The following PIK3CG variants were observed in gnomAD, a reference collection of about 807,000 sequenced individuals.
PIK3CG encodes the protein phosphatidylinositol 4,5-bisphosphate 3-kinase catalytic subunit gamma isoform.
A neutral mutation model predicts 102.3 loss-of-function variants in PIK3CG; 55 were observed. The observed-to-expected ratio is 0.54, with a 90% confidence interval of 0.43 to 0.67. The LOEUF is 0.67. Ranked by LOEUF, PIK3CG falls within the 30% of genes least tolerant of loss-of-function variation. PIK3CG has a pLI of 0.00. For synonymous variants in PIK3CG, 552 were observed against 540.0 expected (o/e 1.02, Z -0.31); for missense variants, 1,258 against 1,391.8 (o/e 0.90, Z 1.53).
rs1790477170 is a variant in PIK3CG at position 106,869,980 on chromosome 7, G to A, written c.1995+424G>A. Among the ~76,000 whole-genome samples, 6 of 152,134 alleles carry A rather than the reference G, an allele frequency of 3.9e-5. No individual in the cohort carries two copies. Among genetic ancestry groups the A allele is most frequent in the Admixed American group, 2.0e-4 (3 of 15,274 alleles). On this transcript the variant is annotated intron_variant, in intron 2 of 10. Coordinates refer to ENST00000496166, the MANE Select transcript of PIK3CG (RefSeq NM_001282426.2). The surrounding 1 kb of genome is among the most constrained non-coding windows in gnomAD (Gnocchi z 5.3). ...GCACTTTTTACATGAGGAAACTGAG[G>A]TACAAAGAGGCTAAGTAATGTGCCC...
At position 106,866,844 on chromosome 7, in the gene PIK3CG, T is replaced by C. The variant is rs577179146; in HGVS notation, c.-12-706T>C. ...AAATGAAATGACTTGCTTTCCTAAT[T>C]AGAAAGAAAAAATGAAACCAAGAGG... On this transcript the variant is annotated intron_variant, in intron 1 of 10. Coordinates refer to ENST00000496166, the MANE Select transcript of PIK3CG (RefSeq NM_001282426.2). Among the ~76,000 whole-genome samples, 9 of 152,232 alleles carry C rather than the reference T, an allele frequency of 5.9e-5. No homozygotes were observed. In the South Asian group the frequency reaches 1.9e-3, roughly 32 times the overall value.
In PIK3CG at chr7:106,872,513, A is replaced by G. The variant is rs1790568076; in HGVS notation, c.1996-24A>G. 6.3e-7 allele frequency: 1 copy of G among 1,596,642 alleles called. No individual in the cohort carries two copies. Among genetic ancestry groups the G allele is most frequent in the African/African-American group, 1.3e-5 (1 of 74,714 alleles). ...CAACGACATAGAGTACAGTCCTACA[A>G]ATGCCAATGTGTTCTTCCTTTAGGC... On this transcript the variant is annotated intron_variant, in intron 2 of 10. Coordinates refer to ENST00000496166, the MANE Select transcript of PIK3CG (RefSeq NM_001282426.2). The surrounding 1 kb of genome is among the most constrained non-coding windows in gnomAD (Gnocchi z 5.3).
chr7:106,899,284 G>A lies in PIK3CG; in HGVS notation c.3031-5825G>A, dbSNP rs778991970. On this transcript the variant is annotated intron_variant, in intron 10 of 10. Coordinates refer to ENST00000496166, the MANE Select transcript of PIK3CG (RefSeq NM_001282426.2). This position sits in a 1 kb window ranked among gnomAD's most constrained non-coding sequence, Gnocchi z 4.6. ...TAGGCAGAGACTATGGGGTTTTCTA[G>A]ATATAAAATCATGTCATCTGCAAAC... Among the ~76,000 whole-genome samples, 4 of 152,122 alleles carry A rather than the reference G, an allele frequency of 2.6e-5. No individual in the cohort carries two copies. Among genetic ancestry groups the A allele is most frequent in the Non-Finnish European group, 5.9e-5 (4 of 68,012 alleles).
chr7:106,887,726 A>C (rs922793889), intron 10 of PIK3CG, among the ~76,000 whole-genome samples: 7 of 151,936 alleles, frequency 4.6e-5, no homozygotes, highest in Non-Finnish European at 7.4e-5. Context: ...ACATGTTTTG[A>C]CAACTTCCTG....
chr7:106,867,453 T>G lies in PIK3CG; in HGVS notation c.-12-97T>G, dbSNP rs964614339. On this transcript the variant is annotated intron_variant, in intron 1 of 10. Coordinates refer to ENST00000496166, the MANE Select transcript of PIK3CG (RefSeq NM_001282426.2). This position sits in a 1 kb window ranked among gnomAD's most constrained non-coding sequence, Gnocchi z 5.1. ...TGGTCCCTCTGGGTCCCTGTGCACA[T>G]GTACGCCGCCTATACCTCCTCTTCC... The G allele has an allele frequency of 2.7e-5, 30 of 1,120,650 alleles. No individual in the cohort carries two copies. Among genetic ancestry groups the G allele is most frequent in the Middle Eastern group, 3.0e-4 (1 of 3,346 alleles). 69.4% of individuals were successfully genotyped at this position (1,120,650 alleles called of 1,614,324 possible). A position where few individuals can be genotyped will look rare whatever the true frequency, so the allele number is the denominator to read the frequency against.
chr7:106,866,985 A>C (rs1790307808), intron 1 of PIK3CG, among the ~76,000 whole-genome samples: 1 of 152,170 alleles, frequency 6.6e-6, no homozygotes, highest in African/African-American at 2.4e-5. Flanking sequence ...ACAAAGAGGA[A>C]GTAAGTTAAA....
At position 106,905,690 on chromosome 7, in the gene PIK3CG, A is replaced by G. The variant is rs1050460811; in HGVS notation, c.*303A>G. ...CCTTATTGTCCCTGATATTTTGACT[A>G]TCTTACTATTGAGTGCTTCTGGAAA... On this transcript the variant is annotated 3_prime_UTR_variant, in exon 11 of 11. Transcript: ENST00000496166. This position sits in a 1 kb window ranked among gnomAD's most constrained non-coding sequence, Gnocchi z 5.6. 2.9e-6 allele frequency: 1 copy of G among 343,122 alleles called. No individual in the cohort carries two copies. Among genetic ancestry groups the G allele is most frequent in the Admixed American group, 4.5e-5 (1 of 22,420 alleles). The allele number at this position is 343,122 out of a possible 1,614,324, so 21.3% of individuals were successfully genotyped here. A position where few individuals can be genotyped will look rare whatever the true frequency, so the allele number is the denominator to read the frequency against.
chr7:106,872,512 A>G lies in PIK3CG; in HGVS notation c.1996-25A>G. On this transcript the variant is annotated intron_variant, in intron 2 of 10. Transcript: ENST00000496166. The surrounding 1 kb of genome is among the most constrained non-coding windows in gnomAD (Gnocchi z 5.3). ...TCAACGACATAGAGTACAGTCCTAC[A>G]AATGCCAATGTGTTCTTCCTTTAGG... 6.3e-7 allele frequency: 1 copy of G among 1,595,922 alleles called. No individual in the cohort carries two copies. The highest frequency in any genetic ancestry group is 2.2e-5 in the East Asian group (1 of 44,804).
rs1244095171 is a variant in PIK3CG, at chr7:106,896,000, C to A, written c.3031-9109C>A. ...TGTGTACAGCCCATCAGAATCTCGA[C>A]ACTGTGTTTGACAAGCATGGGACGT... On this transcript the variant is annotated intron_variant, in intron 10 of 10. Transcript: ENST00000496166. This position sits in a 1 kb window ranked among gnomAD's most constrained non-coding sequence, Gnocchi z 5.4. 6.6e-6 allele frequency among the ~76,000 whole-genome samples: 1 copy of A among 152,200 alleles called. No individual in the cohort carries two copies. Among genetic ancestry groups the A allele is most frequent in the Non-Finnish European group, 1.5e-5 (1 of 68,030 alleles).
At position 106,867,508 on chromosome 7, in the gene PIK3CG, G is replaced by T. The variant is rs907601493; in HGVS notation, c.-12-42G>T. The T allele has an allele frequency of 6.7e-7, 1 of 1,496,282 alleles. No individual in the cohort carries two copies. The highest frequency in any genetic ancestry group is 1.4e-5 in the African/African-American group (1 of 71,344). The allele number at this position is 1,496,282 out of a possible 1,614,324, so 92.7% of individuals were successfully genotyped here. ...TCTCACCAGAAAATATAAGGGGAAA[G>T]TGCCTTTCTTGTGACAAATCCCTGT... On this transcript the variant is annotated intron_variant, in intron 1 of 10. Coordinates refer to ENST00000496166, the MANE Select transcript of PIK3CG (RefSeq NM_001282426.2). This position sits in a 1 kb window ranked among gnomAD's most constrained non-coding sequence, Gnocchi z 5.1.
rs1484515379 is a variant in PIK3CG, at chr7:106,879,926, C to T, written c.2538+261C>T. Reference sequence around the variant, plus strand: ...CAGATATACCTCCCTCACCTAATGTCTTTTTTATACACCCCATTCTAAGCT... The same window carrying T: ...CAGATATACCTCCCTCACCTAATGTTTTTTTTATACACCCCATTCTAAGCT... On this transcript the variant is annotated intron_variant, in intron 6 of 10. Transcript: ENST00000496166. This position sits in a 1 kb window ranked among gnomAD's most constrained non-coding sequence, Gnocchi z 4.9. Among the ~76,000 whole-genome samples the T allele has an allele frequency of 1.1e-4, 17 of 152,114 alleles. No homozygotes were observed. Among genetic ancestry groups the T allele is most frequent in the Admixed American group, 1.1e-3 (17 of 15,274 alleles).
rs929678078 is a variant in PIK3CG, at chr7:106,872,216, C to G, written c.1996-321C>G. On this transcript the variant is annotated intron_variant, in intron 2 of 10. Coordinates refer to ENST00000496166, the MANE Select transcript of PIK3CG (RefSeq NM_001282426.2). This position sits in a 1 kb window ranked among gnomAD's most constrained non-coding sequence, Gnocchi z 5.3. ...CCATCTTCCCCCTCTACCCCTCCAA[C>G]AAAACCAGTAAGACCTAATTAGAGC... Among the ~76,000 whole-genome samples, 1 of 152,198 alleles carries G rather than the reference C, an allele frequency of 6.6e-6. No individual in the cohort carries two copies. The highest frequency in any genetic ancestry group is 1.5e-5 in the Non-Finnish European group (1 of 68,040).
In PIK3CG at chr7:106,869,334, G is replaced by T. The variant is rs1390897729; in HGVS notation, c.1773G>T (p.Lys591Asn). ...ESLKHPKAYPKLFSSVKWGQQ... is the reference protein window; with the variant it reads ...ESLKHPKAYPNLFSSVKWGQQ... ...TTAAGCACCCAAAAGCATATCCTAA[G>T]CTATTTAGTTCAGTGAAATGGGGAC... Residue 591 changes from lysine to asparagine, a missense_variant, in exon 2 of 11, where the codon AAG (lysine) becomes AAT (asparagine). This residue lies in a region of PIK3CG where 832 missense variants were observed against 787.5 expected (regional missense o/e 1.06). Coordinates refer to ENST00000496166, the MANE Select transcript of PIK3CG (RefSeq NM_001282426.2). The surrounding 1 kb of genome is among the most constrained non-coding windows in gnomAD (Gnocchi z 5.3). 1 of 1,614,216 alleles carries T rather than the reference G, an allele frequency of 6.2e-7. No homozygotes were observed. Among genetic ancestry groups the T allele is most frequent in the Admixed American group, 1.7e-5 (1 of 60,022 alleles).
At chr7:106,881,436 G>C (rs367831970) in intron 6 of PIK3CG, among the ~76,000 whole-genome samples, 1 of 152,152 alleles carries the variant, frequency 6.6e-6, no homozygotes, top group South Asian at 2.1e-4. Flanking sequence ...CTGCTGCTTT[G>C]GTTATTGCCT....
Position 106,869,410 on chromosome 7 carries a change from T to A in PIK3CG, c.1849T>A (p.Trp617Arg). Residue 617 changes from tryptophan (W) to arginine (R), a missense_variant, in exon 2 of 11, where the codon TGG (tryptophan) becomes AGG (arginine). Coordinates refer to ENST00000496166, the MANE Select transcript of PIK3CG (RefSeq NM_001282426.2). This position sits in a 1 kb window ranked among gnomAD's most constrained non-coding sequence, Gnocchi z 5.3. ...CCAATTGTTGGCCAGAAGGGAAGTC[T>A]GGGATCAAAGTGCTTTGGATGTTGG... ...TYQLLARREV[W>R]DQSALDVGLT... The A allele has an allele frequency of 1.2e-6, 2 of 1,614,248 alleles. No homozygotes were observed. Among genetic ancestry groups the A allele is most frequent in the Non-Finnish European group, 1.7e-6 (2 of 1,180,038 alleles).
In PIK3CG at chr7:106,872,825, G is replaced by A. The variant is rs1790582620; in HGVS notation, c.2174G>A (p.Gly725Asp). The A allele has an allele frequency of 1.9e-6, 3 of 1,612,568 alleles. No individual in the cohort carries two copies. Among genetic ancestry groups the A allele is most frequent in the Non-Finnish European group, 2.5e-6 (3 of 1,178,682 alleles). ...CTGGAAGCCTATCTGAGGGGCTGTG[G>A]CACAGCCATGCTGCACGACTTTACC... is the stretch of plus-strand genomic sequence containing the variant. ...VILEAYLRGC[G>D]TAMLHDFTQQ... is the part of the protein sequence containing the mutation. The change falls in exon 4 of 11, where the codon GGC becomes GAC. Residue 725 changes from glycine to aspartate, a missense_variant. Transcript: ENST00000496166. The surrounding 1 kb of genome is among the most constrained non-coding windows in gnomAD (Gnocchi z 5.3).
Position 106,872,868 on chromosome 7 carries a change from C to T in PIK3CG, c.2217C>T (p.Ile739=), listed in dbSNP as rs746522201. 13 of 1,614,026 alleles carry T rather than the reference C, an allele frequency of 8.1e-6. No homozygotes were observed. Among genetic ancestry groups the T allele is most frequent in the South Asian group, 3.3e-5 (3 of 91,080 alleles). ...ACTTTACCCAACAAGTCCAAGTAATCGAGATGTTACAAAAAGTCACCCTTG... is the reference window on the plus strand; with the variant it reads ...ACTTTACCCAACAAGTCCAAGTAATTGAGATGTTACAAAAAGTCACCCTTG... ...LHDFTQQVQV[I]EMLQKVTLDI... The change falls in exon 4 of 11, where the codon ATC becomes ATT. Residue 739 remains isoleucine (I), a synonymous_variant. Coordinates refer to ENST00000496166, the MANE Select transcript of PIK3CG (RefSeq NM_001282426.2). The surrounding 1 kb of genome is among the most constrained non-coding windows in gnomAD (Gnocchi z 5.3).
At position 106,890,685 on chromosome 7, in the gene PIK3CG, G is replaced by A. The variant is rs897185842; in HGVS notation, c.3030+4393G>A. On this transcript the variant is annotated intron_variant, in intron 10 of 10. Transcript: ENST00000496166. This position sits in a 1 kb window ranked among gnomAD's most constrained non-coding sequence, Gnocchi z 4.2. ...CTGAACTTAAGAAATAGATATGTTC[G>A]TCTCTTCAAATTGAGTAAGGCTGAT... 2.0e-5 allele frequency among the ~76,000 whole-genome samples: 3 copies of A among 152,330 alleles called. No homozygotes were observed. Among genetic ancestry groups the A allele is most frequent in the South Asian group, 2.1e-4 (1 of 4,832 alleles).
In PIK3CG at chr7:106,877,612, CTGTTTTGTTT is replaced by C. The variant is rs57970232; in HGVS notation, c.2392-1885_2392-1876del. ...TTTTCAGCACCATGTGTTGAAAAGA[CTGTTTTGTTT>C]TGTTTTGTTTTGTTTTGTTTTTCCT... On this transcript the variant is annotated intron_variant, in intron 5 of 10. Transcript: ENST00000496166. This position sits in a 1 kb window ranked among gnomAD's most constrained non-coding sequence, Gnocchi z 4.5. Among the ~76,000 whole-genome samples the C allele has an allele frequency of 1.6e-4, 24 of 150,556 alleles. No homozygotes were observed. Among genetic ancestry groups the C allele is most frequent in the South Asian group, 8.4e-4 (4 of 4,758 alleles).
Sources: allele counts gnomAD v4.1 joint callset (sites outside exome capture counted in the v4.1 genomes callset), GRCh38; gene constraint gnomAD v4.1.1; regional missense constraint gnomAD v4.1.1; non-coding constraint Gnocchi (gnomAD v3.1); transcripts MANE v1.5; gene names NCBI Gene and HGNC (gene_info 2026-07-23, HGNC 2026-07-21).